The following WDFY4 variants were observed in gnomAD, a reference collection of about 807,000 sequenced individuals.
WDFY4 encodes the protein WDFY family member 4.
WDFY4 carries 169 observed loss-of-function variants against 351.9 expected under a neutral mutation model. That is an observed-to-expected ratio of 0.48 (90% CI 0.42 to 0.55). WDFY4 has a LOEUF of 0.55. Ranked by LOEUF, WDFY4 falls within the 20% of genes least tolerant of loss-of-function variation. The probability of loss-of-function intolerance (pLI) is 0.00; values close to 1 mark genes in which losing one functional copy is unlikely to be tolerated. For synonymous variants in WDFY4, 1,622 were observed against 1,574.6 expected, an observed-to-expected ratio of 1.03 and a Z score of -0.71; for missense variants, 3,803 against 3,935.6, an observed-to-expected ratio of 0.97 and a Z score of 0.90.
At chr10:48,822,038 G>T (rs2067841094) in intron 34 of WDFY4, among the ~76,000 whole-genome samples, 1 of 152,128 alleles carries the variant, frequency 6.6e-6, no homozygotes, top group Admixed American at 6.5e-5. Flanking sequence ...TTTATCCTCT[G>T]CCTAGTGTAG....
intron 39 of WDFY4, among the ~76,000 whole-genome samples, chr10:48,844,184 ATTTTC>A (rs1170516326): frequency 6.6e-6 from 1 of 152,192 alleles, no homozygotes; most frequent in Non-Finnish European, 1.5e-5. Flanking sequence ...AAGTTCTGAA[ATTTTC>A]TTCTCTTCGT....
chr10:48,722,736 A>T (rs2132285854), intron 4 of WDFY4, among the ~76,000 whole-genome samples: 2 of 152,356 alleles, frequency 1.3e-5, no homozygotes, highest in East Asian at 3.9e-4. Flanking sequence ...ACGCACACAC[A>T]GAGGGTGCAG....
At chr10:48,846,066 A>C (rs942174758) in intron 39 of WDFY4, among the ~76,000 whole-genome samples, 6 of 152,166 alleles carry the variant, frequency 3.9e-5, no homozygotes, top group African/African-American at 1.4e-4. Context: ...GTTTCTAAAG[A>C]TCTGAGCTGA....
At chr10:48,833,982 T>C (rs1455857544) in intron 39 of WDFY4, among the ~76,000 whole-genome samples, 1 of 152,224 alleles carries the variant, frequency 6.6e-6, no homozygotes, top group Non-Finnish European at 1.5e-5. Context: ...TTTCCCAGGC[T>C]TTGGGAATCA....
At position 48,943,321 on chromosome 10, in the gene WDFY4, T is replaced by C. The variant is rs1840878483; in HGVS notation, c.7630-9T>C. The C allele has an allele frequency of 6.4e-7, 1 of 1,551,512 alleles. No individual in the cohort carries two copies. The highest frequency in any genetic ancestry group is 2.4e-5 in the East Asian group (1 of 40,924). ...ATTTGGTTTATCCCCTTTCTGTCTC[T>C]TCTGGTAGAAAAGGGACATCAGCAA... On this transcript the variant is annotated splice_polypyrimidine_tract_variant and intron_variant, in intron 48 of 61. Transcript: ENST00000325239.
chr10:48,847,549 G>T (rs996306068), intron 39 of WDFY4, among the ~76,000 whole-genome samples: 1 of 152,100 alleles, frequency 6.6e-6, no homozygotes, highest in Non-Finnish European at 1.5e-5. Context: ...GCCTGAGGGG[G>T]TGTGAGTCTT....
chr10:48,970,165 G>A lies in WDFY4; in HGVS notation c.8804G>A (p.Gly2935Asp). Reference sequence around the variant, plus strand: ...ACATTCGAGAACCTGGCTGCCTGGGGCCGCTGTCTGTGCGCCGTGTGCCCA... The same window carrying A: ...ACATTCGAGAACCTGGCTGCCTGGGACCGCTGTCTGTGCGCCGTGTGCCCA... ...LMTFENLAAW[G>D]RCLCAVCPSP... Residue 2935 changes from glycine (G) to aspartate (D), a missense_variant, in exon 57 of 62, where the codon GGC (glycine) becomes GAC (aspartate). Physicochemically the swap from Gly to Asp is moderately conservative, Grantham distance 94. This residue lies in a region of WDFY4 where 3,054 missense variants were observed against 3,148.6 expected (regional missense o/e 0.97). Coordinates refer to ENST00000325239, the MANE Select transcript of WDFY4 (RefSeq NM_001394531.1). 1.3e-6 allele frequency: 2 copies of A among 1,551,674 alleles called. No homozygotes were observed. Among genetic ancestry groups the A allele is most frequent in the Non-Finnish European group, 1.7e-6 (2 of 1,147,012 alleles).
At chr10:48,824,169 T>C (rs927464979) in intron 35 of WDFY4, 49 of 985,328 alleles carry the variant, frequency 5.0e-5, no homozygotes, top group Middle Eastern at 5.2e-4. Context: ...CCGTCTCCAG[T>C]AGATGATATG....
chr10:48,758,226 A>G (rs1308797242), intron 12 of WDFY4, among the ~76,000 whole-genome samples: 1 of 152,160 alleles, frequency 6.6e-6, no homozygotes, highest in East Asian at 1.9e-4. Flanking sequence ...TTTTTGTAGC[A>G]CTTTAAAAAT....
chr10:48,734,533 T>TATAC (rs145280925), intron 10 of WDFY4, among the ~76,000 whole-genome samples: 3 of 150,552 alleles, frequency 2.0e-5, no homozygotes, highest in African/African-American at 7.3e-5. Flanking sequence ...CATATATATA[T>TATAC]ATATATATAT....
intron 55 of WDFY4, chr10:48,968,734 G>A (rs1842198166): frequency 2.8e-6 from 1 of 355,756 alleles, no homozygotes; most frequent in East Asian, 6.0e-5. Context: ...TTGGAATGAG[G>A]TCTGGGCAGC....
intron 47 of WDFY4, among the ~76,000 whole-genome samples, chr10:48,927,127 C>T (rs1364322358): frequency 1.3e-5 from 2 of 151,990 alleles, no homozygotes; most frequent in South Asian, 2.1e-4. Context: ...TGATTTTTAC[C>T]GTGTGAGCTC....
At chr10:48,737,042 T>G (rs571727026) in intron 11 of WDFY4, among the ~76,000 whole-genome samples, 2 of 152,366 alleles carry the variant, frequency 1.3e-5, no homozygotes, top group Admixed American at 1.3e-4. Flanking sequence ...TTTCACAGTT[T>G]TGTTGCTGTT....
At chr10:48,948,303 G>T (rs531893957) in intron 51 of WDFY4, among the ~76,000 whole-genome samples, 1 of 152,322 alleles carries the variant, frequency 6.6e-6, no homozygotes, top group East Asian at 1.9e-4. Flanking sequence ...AAGTAAGTTT[G>T]GTTTGGAGAA....
intron 44 of WDFY4, among the ~76,000 whole-genome samples, chr10:48,895,820 A>G (rs908049634): frequency 1.3e-5 from 2 of 151,772 alleles, no homozygotes; most frequent in Non-Finnish European, 2.9e-5. Flanking sequence ...CTTCCTGCAC[A>G]CCCCTCATAA....
chr10:48,792,176 T>C (rs1232541977), intron 23 of WDFY4, among the ~76,000 whole-genome samples: 1 of 152,214 alleles, frequency 6.6e-6, no homozygotes, highest in Non-Finnish European at 1.5e-5. Context: ...TTTGTGTGCC[T>C]GTGGCCTCCG....
rs1302420311 is a variant in WDFY4, at chr10:48,776,984, G to A, written c.3098G>A (p.Gly1033Asp). The part of the protein sequence containing the change: ...VEFDMSVEGY[G>D]CLFIPTLSTV... The stretch of plus-strand genomic sequence containing the variant: ...TTTGACATGTCCGTGGAAGGTTATG[G>A]GTATGACAGGCTTTCACATATTTAA... Residue 1033 changes from glycine to aspartate, a missense_variant and splice_region_variant, in exon 16 of 62, where the codon GGC (glycine) becomes GAC (aspartate). Coordinates refer to ENST00000325239, the MANE Select transcript of WDFY4 (RefSeq NM_001394531.1). 1 of 1,548,306 alleles carries A rather than the reference G, an allele frequency of 6.5e-7. No individual in the cohort carries two copies.
chr10:48,771,738 T>C (rs559921505), intron 13 of WDFY4, among the ~76,000 whole-genome samples: 1 of 152,342 alleles, frequency 6.6e-6, no homozygotes, highest in South Asian at 2.1e-4. Flanking sequence ...GTATCACCTT[T>C]AATCTGTGAA....
chr10:48,752,535 C>T (rs902101150), intron 12 of WDFY4, among the ~76,000 whole-genome samples: 3 of 152,356 alleles, frequency 2.0e-5, no homozygotes, highest in Middle Eastern at 3.4e-3. Flanking sequence ...AACCTATACT[C>T]ATTCTCATTC....
Sources: gnomAD v4.1 joint callset for allele counts (sites outside exome capture counted in the v4.1 genomes callset) on GRCh38, gnomAD v4.1.1 for gene constraint, gnomAD v4.1.1 regional missense constraint, MANE v1.5 for transcripts, NCBI Gene and HGNC (gene_info 2026-07-23, HGNC 2026-07-21) for gene names.